EVPL: variants seen among roughly 807,000 people sequenced by gnomAD.
EVPL encodes the protein 210 kDa cornified envelope precursor protein.
In EVPL, 94 loss-of-function variants were observed where a neutral mutation model predicts 129.7. The observed-to-expected ratio is 0.72, with a 90% CI of 0.61 to 0.86. The LOEUF (loss-of-function observed/expected upper bound fraction) is 0.86. EVPL is among the 40% of genes least tolerant of loss of function. EVPL has a pLI of 0.00. For missense variants in EVPL, 2,625 were observed against 2,721.1 expected (o/e 0.96, Z 0.79); for synonymous variants, 1,172 against 1,191.1 (o/e 0.98, Z 0.33).
At position 76,027,279 on chromosome 17, in the gene EVPL, C is replaced by T; in HGVS notation, c.-81G>A. On this transcript the variant is annotated 5_prime_UTR_variant, in exon 1 of 22. Transcript: ENST00000301607. ...AGGGCAGGTGGGAGGCAGCGGGCGT[C>T]CTCACTGGCTGGTCAGCTAAGTCTG... 3.0e-6 allele frequency: 3 copies of T among 1,004,660 alleles called. No individual in the cohort carries two copies. Among genetic ancestry groups the T allele is most frequent in the Non-Finnish European group, 3.1e-6 (2 of 637,222 alleles). The allele number at this position is 1,004,660 out of a possible 1,614,324, so 62.2% of individuals were successfully genotyped here.
At chr17:76,019,085 G>A in intron 10 of EVPL, 25 bp from the exon 11 acceptor site, 2 of 1,559,922 alleles carry the variant, frequency 1.3e-6, no homozygotes, top group East Asian at 2.3e-5. Context: ...GGCAGTGGGG[G>A]ACTCAGGCCA....
chr17:76,020,808 C>T (rs2066452208), intron 9 of EVPL, among the ~76,000 whole-genome samples: 2 of 152,080 alleles, frequency 1.3e-5, no homozygotes, highest in African/African-American at 2.4e-5. Flanking sequence ...TCTCCTGGCT[C>T]GGCTTCCCAA....
intron 1 of EVPL, among the ~76,000 whole-genome samples, chr17:76,025,594 T>G (rs1445564284): frequency 1.3e-5 from 2 of 151,956 alleles, no homozygotes. Flanking sequence ...TGGGTGGGGC[T>G]CAGGTGCCCC....
rs868169456 is a variant in EVPL at position 76,017,636 on chromosome 17, C to T, written c.1710+103G>A. ...GGTCTGTCCACACCCTTCTCCATCT[C>T]CATCCCAGCCACCGCTCCTGCACTT... On this transcript the variant is annotated intron_variant, in intron 14 of 21. Transcript: ENST00000301607. 4.0e-6 allele frequency: 6 copies of T among 1,485,666 alleles called. No individual in the cohort carries two copies. In the African/African-American group the frequency reaches 8.3e-5, roughly 21 times the overall value. 92.0% of individuals were successfully genotyped at this position (1,485,666 alleles called of 1,614,324 possible).
chr17:76,027,042 T>C, intron 1 of EVPL, 59 bp downstream of exon 1: 2 of 1,057,822 alleles, frequency 1.9e-6, no homozygotes, highest in South Asian at 1.6e-5. Flanking sequence ...CTCAAGGACC[T>C]GGGCCTGGCA....
rs2066483795 is a variant in EVPL, at chr17:76,024,186, C to T, written c.99-66G>A. ...GCCCCTCTGTGCCCCATCCAGGTGGCATCCCCTGCCCTCCCTCCACCCCAT... is the reference window on the plus strand; with the variant it reads ...GCCCCTCTGTGCCCCATCCAGGTGGTATCCCCTGCCCTCCCTCCACCCCAT... On this transcript the variant is annotated intron_variant, in intron 1 of 21. Transcript: ENST00000301607. The surrounding 1 kb of genome is among the most constrained non-coding windows in gnomAD (Gnocchi z 4.5). The T allele has an allele frequency of 6.8e-7, 1 of 1,474,080 alleles. No individual in the cohort carries two copies. The highest frequency in any genetic ancestry group is 9.3e-7 in the Non-Finnish European group (1 of 1,070,124). 91.3% of individuals were successfully genotyped at this position (1,474,080 alleles called of 1,614,324 possible).
intron 17 of EVPL, 29 bp from the exon 18 acceptor site, chr17:76,014,605 A>G: frequency 6.2e-7 from 1 of 1,606,066 alleles, no homozygotes; most frequent in Non-Finnish European, 8.5e-7. Flanking sequence ...CAGAACAGAG[A>G]TAAGACCTGC....
Position 76,019,005 on chromosome 17 carries a change from C to CGAA in EVPL, c.1192_1193insTTC (p.Arg397_Arg398insLeu). 1 of 1,570,192 alleles carries CGAA rather than the reference C, an allele frequency of 6.4e-7. No homozygotes were observed. The highest frequency in any genetic ancestry group is 8.6e-7 in the Non-Finnish European group (1 of 1,164,846). The stretch of plus-strand genomic sequence containing the variant: ...TGGCAGAGGGGCCACATCCCGGCTT[C>CGAA]GCCGCTGCAGGTCCCCAGTGGCCCT... On this transcript the variant is annotated inframe_insertion, in exon 11 of 22. Transcript: ENST00000301607.
At chr17:76,015,390 G>A (rs749916847) in intron 15 of EVPL, 25 bp from the exon 16 acceptor site, 1 of 1,603,454 alleles carries the variant, frequency 6.2e-7, no homozygotes, top group Non-Finnish European at 8.5e-7. Context: ...GCAAGGCTCA[G>A]ACACTCCCTG....
At position 76,022,406 on chromosome 17, in the gene EVPL, C is replaced by T; in HGVS notation, c.606+7G>A. Reference sequence around the variant, plus strand: ...CCCCGGATGTGACATCCTCCAGGCTCACCTACCGGCCCCACGAGGCTCCGC... The same window carrying T: ...CCCCGGATGTGACATCCTCCAGGCTTACCTACCGGCCCCACGAGGCTCCGC... On this transcript the variant is annotated splice_region_variant and intron_variant, in intron 5 of 21. Coordinates refer to ENST00000301607, the MANE Select transcript of EVPL (RefSeq NM_001988.4). The surrounding 1 kb of genome is among the most constrained non-coding windows in gnomAD (Gnocchi z 5.6). The T allele has an allele frequency of 1.2e-6, 2 of 1,613,594 alleles. No individual in the cohort carries two copies. Among genetic ancestry groups the T allele is most frequent in the Non-Finnish European group, 1.7e-6 (2 of 1,179,928 alleles).
intron 11 of EVPL, 77 bp from the exon 12 acceptor site, chr17:76,018,677 G>A: frequency 6.8e-7 from 1 of 1,466,298 alleles, no homozygotes; most frequent in Middle Eastern, 1.8e-4. Context: ...AGGGGCTGGG[G>A]ACAGAGACAA....
Position 76,019,559 on chromosome 17 carries a change from C to A in EVPL, c.1106G>T (p.Gly369Val). ...CTGTTGCAGCAGCTCTGTGGGGGCG[C>A]CAGGGGGGCCCCCAGGTGCAGGGCT... ...KYSPAPGGPP[G>V]APTELLQQLE... The change falls in exon 10 of 22, where the codon GGC becomes GTC. Residue 369 changes from glycine (G) to valine (V), a missense_variant. By Grantham distance (109) the Gly-to-Val change is moderately radical. Transcript: ENST00000301607. 1 of 1,575,216 alleles carries A rather than the reference C, an allele frequency of 6.3e-7. No homozygotes were observed. Among genetic ancestry groups the A allele is most frequent in the East Asian group, 2.3e-5 (1 of 43,544 alleles).
Position 76,019,064 on chromosome 17 carries a change from C to T in EVPL, c.1138-4G>A. ...CGGCCAGCCGTTTTTCCTCTGCCTG[C>T]CGGGGGCCCAGGCAGTGGGGGACTC... On this transcript the variant is annotated splice_region_variant and splice_polypyrimidine_tract_variant and intron_variant, in intron 10 of 21. Transcript: ENST00000301607. 6.3e-7 allele frequency: 1 copy of T among 1,575,116 alleles called. No individual in the cohort carries two copies. Among genetic ancestry groups the T allele is most frequent in the Non-Finnish European group, 8.6e-7 (1 of 1,168,774 alleles).
intron 21 of EVPL, among the ~76,000 whole-genome samples, chr17:76,011,313 T>C (rs889406322): frequency 1.3e-5 from 2 of 152,084 alleles, no homozygotes; most frequent in African/African-American, 2.4e-5. Flanking sequence ...TCTTGTCCCA[T>C]TGGAGGATGC....
rs901202995 is a variant in EVPL, at chr17:76,007,814, G to A, written c.5391C>T (p.Ser1797=). ...SSSLSIGSII[S]KSPLASPAPQ... The stretch of plus-strand genomic sequence containing the variant: ...GGGCCGGGGAGGCGAGCGGGGACTT[G>A]GAGATGATAGAGCCGATGGAGAGTG... The change falls in exon 22 of 22, where the codon TCC becomes TCT. Residue 1797 remains serine, a synonymous_variant. Transcript: ENST00000301607. The surrounding 1 kb of genome is among the most constrained non-coding windows in gnomAD (Gnocchi z 8.8). The A allele has an allele frequency of 2.5e-6, 4 of 1,611,456 alleles. No individual in the cohort carries two copies. The highest frequency in any genetic ancestry group is 1.3e-5 in the African/African-American group (1 of 74,992).
rs1284303718 is a variant in EVPL, at chr17:76,010,191, C to T, written c.3014G>A (p.Ser1005Asn). ...ATGAGGCTGCATGGTCTTCCTCTTG[C>T]TTTCCAGCTGCACGACCTTCTGGGC... ...VAAQKVVQLE[S>N]KRKTMQPHLL... Residue 1005 changes from serine to asparagine, a missense_variant, in exon 22 of 22, where the codon AGC (serine) becomes AAC (asparagine). Physicochemically the swap from Ser to Asn is conservative, Grantham distance 46. This residue lies in a region of EVPL where 1,453 missense variants were observed against 1,511.8 expected (regional missense o/e 0.96). Transcript: ENST00000301607. 1.9e-6 allele frequency: 3 copies of T among 1,613,978 alleles called. No individual in the cohort carries two copies. In the East Asian group the frequency reaches 6.7e-5, roughly 36 times the overall value.
At position 76,009,074 on chromosome 17, in the gene EVPL, G is replaced by GACCACCACCTCCTGC; in HGVS notation, c.4116_4130dup (p.Gln1373_Val1377dup). 6.2e-7 allele frequency: 1 copy of GACCACCACCTCCTGC among 1,613,562 alleles called. No homozygotes were observed. Among genetic ancestry groups the GACCACCACCTCCTGC allele is most frequent in the East Asian group, 2.2e-5 (1 of 44,852 alleles). ...CGCGCAGCTTCGGGTCCTTCTGGGT[G>GACCACCACCTCCTGC]ACCACCACCTCCTGCACCACCACCT... On this transcript the variant is annotated inframe_insertion, in exon 22 of 22. Transcript: ENST00000301607. The surrounding 1 kb of genome is among the most constrained non-coding windows in gnomAD (Gnocchi z 5.9).
intron 14 of EVPL, 116 bp downstream of exon 14, chr17:76,017,623 C>A: frequency 7.0e-7 from 1 of 1,423,274 alleles, no homozygotes; most frequent in South Asian, 1.3e-5. Context: ...TCTGTCCACA[C>A]CCTTCTCCAT....
intron 18 of EVPL, among the ~76,000 whole-genome samples, chr17:76,012,598 G>C (rs1215203150): frequency 6.6e-6 from 1 of 151,860 alleles, no homozygotes; most frequent in Non-Finnish European, 1.5e-5. Flanking sequence ...CTTTGGCCTT[G>C]TGCCCCTCAG....
Sources: allele counts gnomAD v4.1 joint callset (sites outside exome capture counted in the v4.1 genomes callset), GRCh38; gene constraint gnomAD v4.1.1; regional missense constraint gnomAD v4.1.1; non-coding constraint Gnocchi (gnomAD v3.1); transcripts MANE v1.5; gene names NCBI Gene and HGNC (gene_info 2026-07-23, HGNC 2026-07-21).